PHKG2: variants seen among roughly 807,000 people sequenced by gnomAD.
PHKG2 encodes phosphorylase kinase catalytic subunit gamma 2.
In PHKG2, 28 loss-of-function variants were observed where a neutral mutation model predicts 44.5. That is an observed-to-expected ratio of 0.63 (90% CI 0.47 to 0.86). PHKG2 has a LOEUF of 0.86. Ranked by LOEUF, PHKG2 falls within the 40% of genes least tolerant of loss-of-function variation. The probability of loss-of-function intolerance (pLI) is 0.00; values close to 1 mark genes in which losing one functional copy is unlikely to be tolerated. For synonymous variants in PHKG2, 220 were observed against 211.2 expected (o/e 1.04, Z -0.36); for missense variants, 498 against 547.5 (o/e 0.91, Z 0.90).
At position 30,759,963 on chromosome 16, in the gene PHKG2, AT is replaced by A; in HGVS notation, c.*2867del. The A allele has an allele frequency of 6.9e-7, 1 of 1,450,840 alleles. No homozygotes were observed. Among genetic ancestry groups the A allele is most frequent in the Non-Finnish European group, 9.0e-7 (1 of 1,109,042 alleles). 89.9% of individuals were successfully genotyped at this position (1,450,840 alleles called of 1,614,324 possible). On this transcript the variant is annotated 3_prime_UTR_variant, in exon 10 of 10. Transcript: ENST00000563588. ...CTTACGAAGCTTATATTCTAGGGGA[AT>A]AAACCAAGAAATAGATCATTTCAGC...
At chr16:30,752,854 G>A (rs2053369495) in intron 4 of PHKG2, 2 of 319,966 alleles carry the variant, frequency 6.3e-6, no homozygotes, top group Non-Finnish European at 1.2e-5. Context: ...TTTTAAAGAC[G>A]AAACTTCAAA....
chr16:30,759,208 G>A lies in PHKG2; in HGVS notation c.*2111G>A, dbSNP rs145518957. On this transcript the variant is annotated 3_prime_UTR_variant, in exon 10 of 10. Transcript: ENST00000563588. ...TCACTCTCTGGCCACAGTTTGGGTG[G>A]CTGTAGCCCCATGTAAGTCAAAGAC... is the stretch of plus-strand genomic sequence containing the variant. 3 of 1,614,080 alleles carry A rather than the reference G, an allele frequency of 1.9e-6. No individual in the cohort carries two copies. The highest frequency in any genetic ancestry group is 2.5e-6 in the Non-Finnish European group (3 of 1,180,060).
chr16:30,756,243 C>T lies in PHKG2; in HGVS notation c.618C>T (p.Thr206=), dbSNP rs773624428. ...PEILKCSMDE[T]HPGYGKEVDL... is the part of the protein sequence containing the mutation. ...TCCTTAAATGCTCCATGGATGAAAC[C>T]CACCCAGGCTATGGCAAGGAGGTCG... Residue 206 remains threonine, a synonymous_variant, in exon 7 of 10, where the codon ACC becomes ACT. Coordinates refer to ENST00000563588, the MANE Select transcript of PHKG2 (RefSeq NM_000294.3). 6.8e-6 allele frequency: 11 copies of T among 1,614,130 alleles called. No homozygotes were observed. In the South Asian group the frequency reaches 9.9e-5, roughly 14 times the overall value.
Position 30,759,105 on chromosome 16 carries a change from C to T in PHKG2, c.*2008C>T. The stretch of plus-strand genomic sequence containing the variant: ...ATCTCCTTGCTTTCTTCTTTCTCTG[C>T]AAACCAGAAGCAGGAAGAGACTGTG... On this transcript the variant is annotated 3_prime_UTR_variant, in exon 10 of 10. Coordinates refer to ENST00000563588, the MANE Select transcript of PHKG2 (RefSeq NM_000294.3). The T allele has an allele frequency of 1.9e-6, 3 of 1,614,214 alleles. No homozygotes were observed. In the South Asian group the frequency reaches 3.3e-5, roughly 18 times the overall value.
chr16:30,759,800 T>A lies in PHKG2; in HGVS notation c.*2703T>A, dbSNP rs771119546. On this transcript the variant is annotated 3_prime_UTR_variant, in exon 10 of 10. Coordinates refer to ENST00000563588, the MANE Select transcript of PHKG2 (RefSeq NM_000294.3). Reference sequence around the variant, plus strand: ...ATTCACTTCACTCAACAGCTGTTTATGACCATGAGCTTCAGAAGCAGACAG... The same window carrying A: ...ATTCACTTCACTCAACAGCTGTTTAAGACCATGAGCTTCAGAAGCAGACAG... The A allele has an allele frequency of 2.0e-6, 3 of 1,532,356 alleles. No homozygotes were observed. The highest frequency in any genetic ancestry group is 2.6e-6 in the Non-Finnish European group (3 of 1,143,346). 94.9% of individuals were successfully genotyped at this position (1,532,356 alleles called of 1,614,324 possible).
At chr16:30,750,341 C>G (rs1030925763) in intron 2 of PHKG2, among the ~76,000 whole-genome samples, 5 of 152,246 alleles carry the variant, frequency 3.3e-5, no homozygotes, top group South Asian at 4.1e-4. Flanking sequence ...TTATGTGAGG[C>G]CAAGGAGGCC....
chr16:30,759,924 G>A lies in PHKG2; in HGVS notation c.*2827G>A, dbSNP rs1160489043. 6.9e-7 allele frequency: 1 copy of A among 1,440,316 alleles called. No homozygotes were observed. The highest frequency in any genetic ancestry group is 9.1e-7 in the Non-Finnish European group (1 of 1,101,654). The allele number at this position is 1,440,316 out of a possible 1,614,324, so 89.2% of individuals were successfully genotyped here. A position where few individuals can be genotyped will look rare whatever the true frequency, so the allele number is the denominator to read the frequency against. ...ATGGTTTTCGGCACTGAACAAGACAGACAAGGTCCTGCCCTTACGAAGCTT... is the reference window on the plus strand; with the variant it reads ...ATGGTTTTCGGCACTGAACAAGACAAACAAGGTCCTGCCCTTACGAAGCTT... On this transcript the variant is annotated 3_prime_UTR_variant, in exon 10 of 10. Coordinates refer to ENST00000563588, the MANE Select transcript of PHKG2 (RefSeq NM_000294.3).
chr16:30,758,899 T>C lies in PHKG2; in HGVS notation c.*1802T>C. 6.6e-7 allele frequency: 1 copy of C among 1,510,130 alleles called. No individual in the cohort carries two copies. Among genetic ancestry groups the C allele is most frequent in the African/African-American group, 1.4e-5 (1 of 71,960 alleles). The allele number at this position is 1,510,130 out of a possible 1,614,324, so 93.5% of individuals were successfully genotyped here. Reference sequence around the variant, plus strand: ...TTGGACTTCTGCATAAGGGATCATTTAGAGAAAGGACTCTGACTAAAAACA... The same window carrying C: ...TTGGACTTCTGCATAAGGGATCATTCAGAGAAAGGACTCTGACTAAAAACA... On this transcript the variant is annotated 3_prime_UTR_variant, in exon 10 of 10. Coordinates refer to ENST00000563588, the MANE Select transcript of PHKG2 (RefSeq NM_000294.3).
Position 30,757,414 on chromosome 16 carries a change from T to G in PHKG2, c.*317T>G. The G allele has an allele frequency of 2.6e-6, 4 of 1,565,252 alleles. No individual in the cohort carries two copies. The highest frequency in any genetic ancestry group is 3.5e-6 in the Non-Finnish European group (4 of 1,154,020). On this transcript the variant is annotated 3_prime_UTR_variant, in exon 10 of 10. Coordinates refer to ENST00000563588, the MANE Select transcript of PHKG2 (RefSeq NM_000294.3). ...TTGGGCAGGAAAGCCCAGAAGGTGCTCAGCAGGGTGCAGGGATGGTGCCAT... is the reference window on the plus strand; with the variant it reads ...TTGGGCAGGAAAGCCCAGAAGGTGCGCAGCAGGGTGCAGGGATGGTGCCAT...
chr16:30,759,918 A>G lies in PHKG2; in HGVS notation c.*2821A>G. 1 of 1,440,380 alleles carries G rather than the reference A, an allele frequency of 6.9e-7. No individual in the cohort carries two copies. The highest frequency in any genetic ancestry group is 9.1e-7 in the Non-Finnish European group (1 of 1,101,458). The allele number at this position is 1,440,380 out of a possible 1,614,324, so 89.2% of individuals were successfully genotyped here. A position where few individuals can be genotyped will look rare whatever the true frequency, so the allele number is the denominator to read the frequency against. On this transcript the variant is annotated 3_prime_UTR_variant, in exon 10 of 10. Transcript: ENST00000563588. ...CACTGTATGGTTTTCGGCACTGAAC[A>G]AGACAGACAAGGTCCTGCCCTTACG...
Position 30,748,923 on chromosome 16 carries a change from C to T in PHKG2, c.95+8C>T, listed in dbSNP as rs2053292310. The T allele has an allele frequency of 6.5e-7, 1 of 1,548,956 alleles. No individual in the cohort carries two copies. The highest frequency in any genetic ancestry group is 8.7e-7 in the Non-Finnish European group (1 of 1,144,776). On this transcript the variant is annotated splice_region_variant and intron_variant, in intron 2 of 9. Transcript: ENST00000563588. The stretch of plus-strand genomic sequence containing the variant: ...TAAGGACGTCATCGGCAGGTAAGGC[C>T]GCGGCCAGGGAAACGGAGGTCCAAA...
intron 6 of PHKG2, among the ~76,000 whole-genome samples, chr16:30,754,444 G>A (rs1272837821): frequency 6.6e-6 from 1 of 152,110 alleles, no homozygotes; most frequent in Admixed American, 6.5e-5. Flanking sequence ...GGGATTACAG[G>A]TGTGAGCACT....
In PHKG2 at chr16:30,757,568, T is replaced by C. The variant is rs1555468073; in HGVS notation, c.*471T>C. The C allele has an allele frequency of 1.2e-6, 2 of 1,614,110 alleles. No individual in the cohort carries two copies. Among genetic ancestry groups the C allele is most frequent in the Non-Finnish European group, 1.7e-6 (2 of 1,180,042 alleles). On this transcript the variant is annotated 3_prime_UTR_variant, in exon 10 of 10. Coordinates refer to ENST00000563588, the MANE Select transcript of PHKG2 (RefSeq NM_000294.3). ...CTGCTGAGCCTTTCCTCGCTGGCCTTGAGCCGCTCCTCCACCAGCCCCTGG... is the reference window on the plus strand; with the variant it reads ...CTGCTGAGCCTTTCCTCGCTGGCCTCGAGCCGCTCCTCCACCAGCCCCTGG...
chr16:30,755,060 C>T (rs968844322), intron 6 of PHKG2: 8 of 377,522 alleles, frequency 2.1e-5, no homozygotes, highest in Admixed American at 1.8e-4. Flanking sequence ...AGAATTGGTG[C>T]CCGAGTGGTA....
At position 30,759,408 on chromosome 16, in the gene PHKG2, C is replaced by T. The variant is rs1423181074; in HGVS notation, c.*2311C>T. The T allele has an allele frequency of 6.2e-7, 1 of 1,614,170 alleles. No homozygotes were observed. The highest frequency in any genetic ancestry group is 1.7e-5 in the Admixed American group (1 of 60,036). On this transcript the variant is annotated 3_prime_UTR_variant, in exon 10 of 10. Coordinates refer to ENST00000563588, the MANE Select transcript of PHKG2 (RefSeq NM_000294.3). ...AGTAAGTGTTGACCACGTAGTCTTC[C>T]AAGGCCAGCAGCTGTTCCTCTTTGA... is the stretch of plus-strand genomic sequence containing the variant.
At chr16:30,748,749 T>G (rs1596676932) in intron 1 of PHKG2, 54 bp from the exon 2 acceptor site, 6 of 841,602 alleles carry the variant, frequency 7.1e-6, no homozygotes, top group South Asian at 3.0e-5. Flanking sequence ...GCCATGCGGG[T>G]CGTCTCAGAG....
intron 2 of PHKG2, among the ~76,000 whole-genome samples, chr16:30,749,528 A>G (rs2053317510): frequency 6.6e-6 from 1 of 151,836 alleles, no homozygotes; most frequent in Non-Finnish European, 1.5e-5. Context: ...TATTTTTAGT[A>G]GAGGCGGGCG....
At chr16:30,749,130 G>GTGGTGGTGC (rs200117179) in intron 2 of PHKG2, among the ~76,000 whole-genome samples, 48,174 of 55,202 alleles carry the variant, frequency 0.87, 22,042 homozygotes, top group East Asian at 0.95. Flanking sequence ...GGTGCTGGTG[G>GTGGTGGTGC]TGGTGGTGCT....
In PHKG2 at chr16:30,757,760, T is replaced by C. The variant is rs1191616429; in HGVS notation, c.*663T>C. 1.5e-5 allele frequency: 22 copies of C among 1,465,688 alleles called. No individual in the cohort carries two copies. Among genetic ancestry groups the C allele is most frequent in the Non-Finnish European group, 2.0e-5 (22 of 1,112,724 alleles). The allele number at this position is 1,465,688 out of a possible 1,614,324, so 90.8% of individuals were successfully genotyped here. The stretch of plus-strand genomic sequence containing the variant: ...GTCCCCAAATTTCCCCTGGTGGGGA[T>C]ATAGAGGTAGCAATGTTGTTTCCCT... On this transcript the variant is annotated 3_prime_UTR_variant, in exon 10 of 10. Coordinates refer to ENST00000563588, the MANE Select transcript of PHKG2 (RefSeq NM_000294.3).
Sources: gnomAD v4.1 joint callset for allele counts (sites outside exome capture counted in the v4.1 genomes callset) on GRCh38, gnomAD v4.1.1 for gene constraint, MANE v1.5 for transcripts, NCBI Gene and HGNC (gene_info 2026-07-23, HGNC 2026-07-21) for gene names.